The following ARHGAP42 variants were observed in gnomAD, a reference collection of about 807,000 sequenced individuals.
ARHGAP42 encodes rho GTPase-activating protein 42.
ARHGAP42 carries 63 observed loss-of-function variants against 125.0 expected under a neutral mutation model. That is an observed-to-expected ratio of 0.50 (90% CI 0.41 to 0.62). The LOEUF (loss-of-function observed/expected upper bound fraction) is 0.62. Among genes scored for constraint, ARHGAP42 ranks in the 20% least tolerant of loss-of-function variants. The pLI, the probability that ARHGAP42 is intolerant of heterozygous loss-of-function variation, is 0.00. For missense variants in ARHGAP42, 766 were observed against 1,024.2 expected, an observed-to-expected ratio of 0.75 and a Z score of 3.44; for synonymous variants, 339 against 351.0, an observed-to-expected ratio of 0.97 and a Z score of 0.38.
chr11:100,989,240 T>G lies in ARHGAP42; in HGVS notation c.*439T>G, dbSNP rs1269291022. 1 of 393,688 alleles carries G rather than the reference T, an allele frequency of 2.5e-6. No homozygotes were observed. The allele number at this position is 393,688 out of a possible 1,614,324, so 24.4% of individuals were successfully genotyped here. A position where few individuals can be genotyped will look rare whatever the true frequency, so the allele number is the denominator to read the frequency against. ...AATGTAATTTAAATTGTTCATTTAT[T>G]GTTTTTTTTTTCTTAGAAATATACT... is the stretch of plus-strand genomic sequence containing the variant. On this transcript the variant is annotated 3_prime_UTR_variant, in exon 24 of 24. Coordinates refer to ENST00000298815, the MANE Select transcript of ARHGAP42 (RefSeq NM_152432.4).
chr11:100,938,103 T>C lies in ARHGAP42; in HGVS notation c.832+1771T>C, dbSNP rs1034442834. On this transcript the variant is annotated intron_variant, in intron 8 of 23. Transcript: ENST00000298815. The stretch of plus-strand genomic sequence containing the variant: ...AATGGCACCCCTCACTCTCCTAGGC[T>C]ACATAAGTCAAGGCAATCCATCCTT... Among the ~76,000 whole-genome samples the C allele has an allele frequency of 2.0e-5, 3 of 151,884 alleles. 1 individual carries two copies. The highest frequency in any genetic ancestry group is 4.4e-5 in the Non-Finnish European group (3 of 67,998).
At chr11:100,916,623 C>T (rs1270745047) in intron 5 of ARHGAP42, among the ~76,000 whole-genome samples, 3 of 152,018 alleles carry the variant, frequency 2.0e-5, no homozygotes, top group African/African-American at 7.3e-5. Flanking sequence ...TTTTGTTCTC[C>T]TGGTGGGAGC....
chr11:100,690,055 G>A (rs1006342071), intron 1 of ARHGAP42, among the ~76,000 whole-genome samples: 1 of 152,164 alleles, frequency 6.6e-6, no homozygotes, highest in Non-Finnish European at 1.5e-5. Context: ...ATAGCTGGCA[G>A]TGCTTGTACC....
intron 1 of ARHGAP42, among the ~76,000 whole-genome samples, chr11:100,738,081 G>T (rs1284359628): frequency 1.3e-5 from 2 of 152,136 alleles, no homozygotes; most frequent in African/African-American, 2.4e-5. Context: ...ATTTTGATGG[G>T]AACTGGGAGA....
intron 1 of ARHGAP42, among the ~76,000 whole-genome samples, chr11:100,756,829 A>G (rs770728102): frequency 7.2e-5 from 11 of 152,210 alleles, no homozygotes; most frequent in Non-Finnish European, 1.5e-4. Context: ...CTGTGTACAG[A>G]TCATTGAAGT....
chr11:100,871,005 T>C (rs905851260), intron 4 of ARHGAP42, among the ~76,000 whole-genome samples: 3 of 152,110 alleles, frequency 2.0e-5, no homozygotes, highest in African/African-American at 7.2e-5. Flanking sequence ...TTGTACACCT[T>C]ATAATCTATT....
chr11:100,731,359 A>T (rs141527943), intron 1 of ARHGAP42, among the ~76,000 whole-genome samples: 1 of 152,164 alleles, frequency 6.6e-6, no homozygotes, highest in Admixed American at 6.5e-5. Context: ...GGGTTTCACC[A>T]TGTTGGCCAG....
intron 3 of ARHGAP42, among the ~76,000 whole-genome samples, chr11:100,813,417 G>A (rs191250403): frequency 1.4e-4 from 21 of 152,278 alleles, no homozygotes; most frequent in South Asian, 1.2e-3. Flanking sequence ...GACTGTAGGG[G>A]GTAACAGGTG....
intron 3 of ARHGAP42, among the ~76,000 whole-genome samples, chr11:100,819,019 G>T (rs1270973880): frequency 6.6e-6 from 1 of 152,136 alleles, no homozygotes; most frequent in African/African-American, 2.4e-5. Context: ...ACCAGGCTAA[G>T]GAGCTGGACA....
At chr11:100,981,777 T>G (rs933055593) in intron 22 of ARHGAP42, among the ~76,000 whole-genome samples, 7 of 152,116 alleles carry the variant, frequency 4.6e-5, no homozygotes, top group Non-Finnish European at 8.8e-5. Context: ...ATAAGGAGAT[T>G]TTTATGAATA....
intron 3 of ARHGAP42, among the ~76,000 whole-genome samples, chr11:100,819,395 T>C (rs1230224379): frequency 1.3e-5 from 2 of 152,056 alleles, no homozygotes. Context: ...AACTTATGGT[T>C]TGGGGTACAG....
Position 100,771,520 on chromosome 11 carries a change from G to A in ARHGAP42, c.250+1082G>A, listed in dbSNP as rs1459160631. ...ATATTACTAAGTGTACCCTACTTCTGGGTGTAAAAATACAATACTACAAAC... is the reference window on the plus strand; with the variant it reads ...ATATTACTAAGTGTACCCTACTTCTAGGTGTAAAAATACAATACTACAAAC... On this transcript the variant is annotated intron_variant, in intron 2 of 23. Transcript: ENST00000298815. Among the ~76,000 whole-genome samples the A allele has an allele frequency of 2.0e-5, 3 of 152,114 alleles. No homozygotes were observed. The East Asian group carries it at 5.8e-4, about 29-fold the overall frequency.
chr11:100,978,352 TAG>T (rs1208463408), intron 21 of ARHGAP42, among the ~76,000 whole-genome samples: 1 of 152,168 alleles, frequency 6.6e-6, no homozygotes, highest in Non-Finnish European at 1.5e-5. Context: ...AGGAATTTTA[TAG>T]AGTCTTCCAG....
chr11:100,981,160 T>A (rs1021766871), intron 22 of ARHGAP42, among the ~76,000 whole-genome samples: 9 of 152,198 alleles, frequency 5.9e-5, no homozygotes, highest in African/African-American at 2.2e-4. Flanking sequence ...ACAATGAAGA[T>A]CATAATTCTC....
Position 100,993,470 on chromosome 11 carries a change from G to A in ARHGAP42, c.*4669G>A, listed in dbSNP as rs1255148062. 1.2e-5 allele frequency: 2 copies of A among 166,984 alleles called. No homozygotes were observed. Among genetic ancestry groups the A allele is most frequent in the Non-Finnish European group, 2.9e-5 (2 of 68,116 alleles). The allele number at this position is 166,984 out of a possible 1,614,324, so 10.3% of individuals were successfully genotyped here. A position where few individuals can be genotyped will look rare whatever the true frequency, so the allele number is the denominator to read the frequency against. On this transcript the variant is annotated 3_prime_UTR_variant, in exon 24 of 24. Transcript: ENST00000298815. The stretch of plus-strand genomic sequence containing the variant: ...TGGTCTAAGAACACTGTCTGCACAT[G>A]ATTGATGCTTAAAATCCAATATACC...
In ARHGAP42 at chr11:100,905,978, A is replaced by AT. The variant is rs1311348434; in HGVS notation, c.385-7473dup. On this transcript the variant is annotated intron_variant, in intron 4 of 23. Transcript: ENST00000298815. ...GGCGATAGTCTTAATATGTTTAAAC[A>AT]TACCAGATAATACCTTCTCCATTCC... is the stretch of plus-strand genomic sequence containing the variant. 3.9e-5 allele frequency among the ~76,000 whole-genome samples: 6 copies of AT among 152,336 alleles called. No individual in the cohort carries two copies. The East Asian group carries it at 1.2e-3, about 29-fold the overall frequency.
At chr11:100,964,501 AT>A (rs1858040261) in intron 16 of ARHGAP42, among the ~76,000 whole-genome samples, 1 of 152,126 alleles carries the variant, frequency 6.6e-6, no homozygotes, top group Admixed American at 6.5e-5. Context: ...TCCTCACTCC[AT>A]GTCTAAATAA....
At chr11:100,904,555 CCT>C (rs1866668989) in intron 4 of ARHGAP42, among the ~76,000 whole-genome samples, 1 of 151,042 alleles carries the variant, frequency 6.6e-6, no homozygotes, top group Middle Eastern at 3.4e-3. Context: ...ACTCTCATCC[CCT>C]CTTTCCTTAA....
intron 3 of ARHGAP42, among the ~76,000 whole-genome samples, chr11:100,801,237 G>T (rs1160325555): frequency 6.6e-6 from 1 of 152,116 alleles, no homozygotes; most frequent in East Asian, 1.9e-4. Context: ...TAAAAAATTA[G>T]TGCTTTATTT....
Sources: allele counts gnomAD v4.1 joint callset (sites outside exome capture counted in the v4.1 genomes callset), GRCh38; gene constraint gnomAD v4.1.1; transcripts MANE v1.5; gene names NCBI Gene and HGNC (gene_info 2026-07-23, HGNC 2026-07-21).